Variants in TRIM66 observed in about 807,000 individuals in gnomAD.
TRIM66 encodes the protein tripartite motif-containing protein 66.
Under a neutral mutation model 148.2 loss-of-function variants are expected in TRIM66, and 99 were observed. The observed-to-expected ratio is 0.67, with a 90% CI of 0.57 to 0.79. The LOEUF (loss-of-function observed/expected upper bound fraction) is 0.79. Ranked by LOEUF, TRIM66 falls within the 30% of genes least tolerant of loss-of-function variation. The probability of loss-of-function intolerance (pLI) is 0.00; values close to 1 mark genes in which losing one functional copy is unlikely to be tolerated. For synonymous variants in TRIM66, 616 were observed against 635.9 expected (o/e 0.97, Z 0.47); for missense variants, 1,666 against 1,697.9 (o/e 0.98, Z 0.33).
chr11:8,645,034 CTCTG>C (rs557247136), intron 12 of TRIM66, among the ~76,000 whole-genome samples: 75 of 152,342 alleles, frequency 4.9e-4, no homozygotes, highest in African/African-American at 1.7e-3. Context: ...CATCATCTTC[CTCTG>C]TCTATGCTGA....
At chr11:8,630,989 C>A (rs2035338819) in intron 15 of TRIM66, among the ~76,000 whole-genome samples, 1 of 152,148 alleles carries the variant, frequency 6.6e-6, no homozygotes, top group African/African-American at 2.4e-5. Context: ...CTCTTACCAC[C>A]CAGATGTGTT....
intron 6 of TRIM66, among the ~76,000 whole-genome samples, chr11:8,652,523 A>G (rs927882045): frequency 2.0e-5 from 3 of 152,110 alleles, no homozygotes; most frequent in Non-Finnish European, 2.9e-5. Flanking sequence ...TGCATCATAT[A>G]TATGTATATT....
intron 4 of TRIM66, among the ~76,000 whole-genome samples, chr11:8,672,619 C>CTT (rs11293374): frequency 1.1e-4 from 12 of 113,264 alleles, no homozygotes; most frequent in South Asian, 3.2e-4. Context: ...ACTCCAGTCT[C>CTT]TTTTTTTTTT....
chr11:8,674,572 A>T (rs995889278), intron 4 of TRIM66, among the ~76,000 whole-genome samples: 1 of 152,094 alleles, frequency 6.6e-6, no homozygotes. Flanking sequence ...ATTTTTGTAG[A>T]GACCAGGTCT....
rs1014251625 is a variant in TRIM66 at position 8,649,815 on chromosome 11, A to G, written c.517T>C (p.Ser173Pro). The change falls in exon 8 of 25, where the codon TCT (serine) becomes CCT (proline). Residue 173 changes from serine to proline, a missense_variant. Ser to Pro is a moderately conservative substitution (Grantham distance 74, BLOSUM62 -1). Around this residue, in one of 3 missense-constraint regions of TRIM66, gnomAD observed 1,431 missense variants for 1,412.4 expected, o/e 1.01. Transcript: ENST00000646038. ...CTGTGTCGGTGTTCCTCTGTGCAAGAGCTGCACAGCCAGCGATTGCAGTAG... is the reference window on the plus strand; with the variant it reads ...CTGTGTCGGTGTTCCTCTGTGCAAGGGCTGCACAGCCAGCGATTGCAGTAG... ...CTYCNRWLCSSCTEEHRHSPV... is the reference protein window; with the variant it reads ...CTYCNRWLCSPCTEEHRHSPV... The G allele has an allele frequency of 2.6e-6, 4 of 1,551,530 alleles. No individual in the cohort carries two copies. In the African/African-American group the frequency reaches 5.5e-5, roughly 21 times the overall value.
At chr11:8,644,472 C>G (rs540638694) in intron 12 of TRIM66, 5 of 451,210 alleles carry the variant, frequency 1.1e-5, no homozygotes, top group South Asian at 7.9e-5. Context: ...GGATAAATTA[C>G]CCCAACTTGT....
In TRIM66 at chr11:8,638,676, G is replaced by A. The variant is rs145246518; in HGVS notation, c.2288C>T (p.Ser763Phe). 2.9e-3 allele frequency: 4,443 copies of A among 1,548,846 alleles called. 10 individuals carry two copies. The highest frequency in any genetic ancestry group is 3.4e-3 in the Non-Finnish European group (3,935 of 1,146,142). Residue 763 changes from serine (S) to phenylalanine (F), a missense_variant, in exon 15 of 25, where the codon TCC becomes TTC. This residue lies in a region of TRIM66 where 1,431 missense variants were observed against 1,412.4 expected (regional missense o/e 1.01). Coordinates refer to ENST00000646038, the MANE Select transcript of TRIM66 (RefSeq NM_001388022.1). ...VPPVDSTIQHSSPNVVRKHST... is the reference protein window; with the variant it reads ...VPPVDSTIQHFSPNVVRKHST... ...TACCTTTCTCACCACATTTGGAGAG[G>A]AGTGCTGGATGGTGCTGTCCACTGG...
intron 8 of TRIM66, 151 bp downstream of exon 8, chr11:8,649,589 C>G (rs778080107): frequency 4.9e-4 from 540 of 1,110,340 alleles, no homozygotes; most frequent in Admixed American, 6.5e-4. Context: ...CCCTTTGACT[C>G]TGAAGGAGAC....
intron 6 of TRIM66, among the ~76,000 whole-genome samples, chr11:8,665,195 T>C (rs1444375264): frequency 6.6e-6 from 1 of 151,998 alleles, no homozygotes; most frequent in African/African-American, 2.4e-5. Context: ...CCTACTCTGC[T>C]GGACAAACTG....
At chr11:8,666,900 C>T (rs2038636350) in intron 6 of TRIM66, among the ~76,000 whole-genome samples, 1 of 152,304 alleles carries the variant, frequency 6.6e-6, no homozygotes, top group Admixed American at 6.5e-5. Flanking sequence ...ACCTCCACTT[C>T]CTGGGTTCAA....
intron 13 of TRIM66, among the ~76,000 whole-genome samples, chr11:8,642,450 T>G (rs2036480155): frequency 6.6e-6 from 1 of 152,188 alleles, no homozygotes; most frequent in Non-Finnish European, 1.5e-5. Flanking sequence ...AGGCACAACT[T>G]CAAGCTGTCT....
chr11:8,622,753 C>T (rs2034424414), intron 18 of TRIM66, 63 bp downstream of exon 18: 1 of 1,436,958 alleles, frequency 7.0e-7, no homozygotes, highest in Non-Finnish European at 9.6e-7. Context: ...TGCTTCATCC[C>T]TGTGCCAGCA....
chr11:8,657,775 G>A (rs1241883356), intron 6 of TRIM66, among the ~76,000 whole-genome samples: 1 of 152,106 alleles, frequency 6.6e-6, no homozygotes, highest in Non-Finnish European at 1.5e-5. Flanking sequence ...ACTCAGAGCA[G>A]CACCACCTTC....
At chr11:8,629,683 TTTTGA>T (rs2035210406) in intron 15 of TRIM66, among the ~76,000 whole-genome samples, 1 of 152,202 alleles carries the variant, frequency 6.6e-6, no homozygotes. Context: ...TGGCAGTTTA[TTTTGA>T]GGTGAACCTG....
At position 8,634,796 on chromosome 11, in the gene TRIM66, T is replaced by A. The variant is rs560784654; in HGVS notation, c.2310+3858A>T. 2.2e-4 allele frequency among the ~76,000 whole-genome samples: 33 copies of A among 152,334 alleles called. 1 individual carries two copies. Among genetic ancestry groups the A allele is most frequent in the Middle Eastern group, 6.8e-3 (2 of 294 alleles). On this transcript the variant is annotated intron_variant, in intron 15 of 24. Transcript: ENST00000646038. Reference sequence around the variant, plus strand: ...CATAGCACCAACTCCAAGGTACTTGTACGCAGATGTTCTGCTTCACCAAAA... The same window carrying A: ...CATAGCACCAACTCCAAGGTACTTGAACGCAGATGTTCTGCTTCACCAAAA...
chr11:8,647,623 G>A (rs992447209), intron 10 of TRIM66, among the ~76,000 whole-genome samples: 1 of 152,144 alleles, frequency 6.6e-6, no homozygotes, highest in African/African-American at 2.4e-5. Context: ...GATTGCCCCT[G>A]GTTTGTTCCA....
upstream of TRIM66, chr11:8,682,851 C>A (rs189117738): frequency 4.3e-4 from 687 of 1,604,704 alleles, 1 homozygote; most frequent in African/African-American, 8.4e-3. Flanking sequence ...TCTTCCTTGC[C>A]GGCGGAGACC....
chr11:8,631,797 A>G (rs2035423570), intron 15 of TRIM66, among the ~76,000 whole-genome samples: 2 of 152,244 alleles, frequency 1.3e-5, no homozygotes, highest in African/African-American at 4.8e-5. Context: ...AGATACCCAC[A>G]TATGAGTTTA....
intron 7 of TRIM66, among the ~76,000 whole-genome samples, chr11:8,650,418 G>A (rs1291575385): frequency 6.6e-6 from 1 of 150,872 alleles, no homozygotes; most frequent in Non-Finnish European, 1.5e-5. Context: ...GAAGAAGGAG[G>A]AGGAGGAAGA....
Sources: allele counts gnomAD v4.1 joint callset (sites outside exome capture counted in the v4.1 genomes callset), GRCh38; gene constraint gnomAD v4.1.1; regional missense constraint gnomAD v4.1.1; transcripts MANE v1.5; gene names NCBI Gene and HGNC (gene_info 2026-07-23, HGNC 2026-07-21).